Variants in GRID2 observed in about 807,000 individuals in gnomAD.
GRID2 encodes glutamate ionotropic receptor delta type subunit 2.
In GRID2, 33 loss-of-function variants were observed where a neutral mutation model predicts 114.8. The observed-to-expected ratio is 0.29, with a 90% CI of 0.22 to 0.38. The LOEUF (loss-of-function observed/expected upper bound fraction) is 0.38. Among genes scored for constraint, GRID2 ranks in the 10% least tolerant of loss-of-function variants. GRID2 has a pLI of 1.00. For missense variants in GRID2, 1,184 were observed against 1,257.7 expected, an observed-to-expected ratio of 0.94 and a Z score of 0.89; for synonymous variants, 505 against 449.9, an observed-to-expected ratio of 1.12 and a Z score of -1.55.
At chr4:92,940,634 C>G (rs893324877) in intron 2 of GRID2, among the ~76,000 whole-genome samples, 4 of 152,128 alleles carry the variant, frequency 2.6e-5, no homozygotes, top group Non-Finnish European at 4.4e-5. Flanking sequence ...GAGGGCATCC[C>G]TGTCTTGTGC....
intron 2 of GRID2, among the ~76,000 whole-genome samples, chr4:92,926,898 A>G (rs1484672387): frequency 6.6e-6 from 1 of 151,930 alleles, no homozygotes; most frequent in Non-Finnish European, 1.5e-5. Context: ...CAGAGTCCTC[A>G]TAACCTAATC....
At chr4:92,855,374 A>G (rs1375759983) in intron 2 of GRID2, among the ~76,000 whole-genome samples, 3 of 151,922 alleles carry the variant, frequency 2.0e-5, no homozygotes, top group Non-Finnish European at 2.9e-5. Flanking sequence ...ATAAAAAATT[A>G]TTTGTTATTA....
At chr4:92,572,800 G>C (rs1727695403) in intron 1 of GRID2, among the ~76,000 whole-genome samples, 1 of 151,986 alleles carries the variant, frequency 6.6e-6, no homozygotes, top group Non-Finnish European at 1.5e-5. Context: ...TCTTGTATCT[G>C]TCAGATTTTG....
At chr4:92,666,731 G>A (rs532494902) in intron 2 of GRID2, among the ~76,000 whole-genome samples, 6 of 129,556 alleles carry the variant, frequency 4.6e-5, no homozygotes, top group South Asian at 4.8e-4. Context: ...TAATTTTCCC[G>A]TATTTTCAGG....
At chr4:93,714,881 G>T (rs1245608621) in intron 14 of GRID2, among the ~76,000 whole-genome samples, 1 of 151,908 alleles carries the variant, frequency 6.6e-6, no homozygotes, top group Non-Finnish European at 1.5e-5. Context: ...TCTCTAGATT[G>T]TCTGTTCACT....
intron 2 of GRID2, among the ~76,000 whole-genome samples, chr4:92,733,347 G>T (rs1319283961): frequency 6.6e-6 from 1 of 151,954 alleles, no homozygotes; most frequent in Admixed American, 6.6e-5. Context: ...CTTTATACTT[G>T]GCCTTGGTCT....
At chr4:93,703,694 G>A (rs917539334) in intron 14 of GRID2, among the ~76,000 whole-genome samples, 1 of 130,392 alleles carries the variant, frequency 7.7e-6, no homozygotes, top group Non-Finnish European at 1.5e-5. Flanking sequence ...CCCTTCCTGT[G>A]TCCATGTGTT....
At chr4:93,012,386 C>T (rs1470466195) in intron 2 of GRID2, among the ~76,000 whole-genome samples, 1 of 151,964 alleles carries the variant, frequency 6.6e-6, no homozygotes, top group East Asian at 1.9e-4. Context: ...TATACTATAC[C>T]TAAGGTCTCT....
At chr4:92,690,343 G>C (rs1734125810) in intron 2 of GRID2, among the ~76,000 whole-genome samples, 1 of 152,168 alleles carries the variant, frequency 6.6e-6, no homozygotes, top group Non-Finnish European at 1.5e-5. Flanking sequence ...CATGGGAACA[G>C]TTGGTAAGTG....
chr4:92,885,405 G>A (rs1183516545), intron 2 of GRID2, among the ~76,000 whole-genome samples: 2 of 152,152 alleles, frequency 1.3e-5, no homozygotes, highest in Non-Finnish European at 2.9e-5. Flanking sequence ...AAAACTTGTT[G>A]TGAATTAAAG....
chr4:92,706,634 G>A (rs951535630), intron 2 of GRID2, among the ~76,000 whole-genome samples: 3 of 152,114 alleles, frequency 2.0e-5, no homozygotes, highest in Non-Finnish European at 4.4e-5. Flanking sequence ...GGCAGAGATA[G>A]TAGAATACAT....
chr4:93,364,077 A>G (rs1762118207), intron 8 of GRID2, among the ~76,000 whole-genome samples: 1 of 152,008 alleles, frequency 6.6e-6, no homozygotes, highest in Non-Finnish European at 1.5e-5. Context: ...GCTTTTTCTC[A>G]TGAATAACAA....
chr4:93,333,978 G>A (rs892127572), intron 8 of GRID2, among the ~76,000 whole-genome samples: 1 of 152,118 alleles, frequency 6.6e-6, no homozygotes, highest in African/African-American at 2.4e-5. Flanking sequence ...CCCAGACAGT[G>A]ATAGCTAGTA....
intron 2 of GRID2, among the ~76,000 whole-genome samples, chr4:92,761,828 C>A (rs1416933502): frequency 2.0e-5 from 3 of 152,126 alleles, no homozygotes; most frequent in African/African-American, 7.2e-5. Flanking sequence ...GGGTTCTAAG[C>A]AAAGGTATGT....
At position 92,732,547 on chromosome 4, in the gene GRID2, A is replaced by G. The variant is rs537985814; in HGVS notation, c.244+142261A>G. Among the ~76,000 whole-genome samples, 121 of 152,170 alleles carry G rather than the reference A, an allele frequency of 8.0e-4. 1 individual carries two copies. Among genetic ancestry groups the G allele is most frequent in the Admixed American group, 1.6e-3 (25 of 15,248 alleles). ...AGGGCTCTATTGTCTTAGCTTGGACATGATTAGACTCCACTTATTGTGGTA... is the reference window on the plus strand; with the variant it reads ...AGGGCTCTATTGTCTTAGCTTGGACGTGATTAGACTCCACTTATTGTGGTA... On this transcript the variant is annotated intron_variant, in intron 2 of 15. Coordinates refer to ENST00000282020, the MANE Select transcript of GRID2 (RefSeq NM_001510.4).
chr4:93,265,452 A>G (rs1314085513), intron 8 of GRID2, among the ~76,000 whole-genome samples: 1 of 152,168 alleles, frequency 6.6e-6, no homozygotes, highest in African/African-American at 2.4e-5. Context: ...GTAAATCCTT[A>G]CTTAAGGTCA....
chr4:92,554,728 A>C (rs1040451054), intron 1 of GRID2, among the ~76,000 whole-genome samples: 1 of 152,216 alleles, frequency 6.6e-6, no homozygotes, highest in African/African-American at 2.4e-5. Context: ...TCTAGCAGTA[A>C]CTTCTCAGAT....
At chr4:92,781,833 A>G (rs374229350) in intron 2 of GRID2, among the ~76,000 whole-genome samples, 14 of 152,102 alleles carry the variant, frequency 9.2e-5, no homozygotes, top group African/African-American at 3.1e-4. Context: ...CATTCGAGAT[A>G]TGTACATTTT....
intron 2 of GRID2, among the ~76,000 whole-genome samples, chr4:92,614,579 T>C (rs1399640347): frequency 6.6e-6 from 1 of 151,630 alleles, no homozygotes; most frequent in East Asian, 1.9e-4. Context: ...TAGAATACTG[T>C]ATGATTTCAA....
Sources: allele counts gnomAD v4.1 joint callset (sites outside exome capture counted in the v4.1 genomes callset), GRCh38; gene constraint gnomAD v4.1.1; transcripts MANE v1.5; gene names NCBI Gene and HGNC (gene_info 2026-07-23, HGNC 2026-07-21).